ULK4: variants seen among roughly 807,000 people sequenced by gnomAD.
ULK4 encodes the protein inactive serine/threonine-protein kinase ULK4.
Under a neutral mutation model 160.6 loss-of-function variants are expected in ULK4, and 133 were observed. That is an observed-to-expected ratio of 0.83 (90% CI 0.72 to 0.96). ULK4 has a LOEUF of 0.96. Among genes scored for constraint, ULK4 ranks in the 40% least tolerant of loss-of-function variants. ULK4 has a pLI of 0.00. For missense variants in ULK4, 1,580 were observed against 1,499.5 expected (o/e 1.05, Z -0.89); for synonymous variants, 534 against 539.8 (o/e 0.99, Z 0.15).
intron 31 of ULK4, among the ~76,000 whole-genome samples, chr3:41,588,312 C>T (rs1335124755): frequency 6.6e-6 from 1 of 152,180 alleles, no homozygotes; most frequent in African/African-American, 2.4e-5. Flanking sequence ...AAAATATGTA[C>T]TTGCATACAA....
At chr3:41,804,440 C>T (rs997525682) in intron 19 of ULK4, among the ~76,000 whole-genome samples, 2 of 151,648 alleles carry the variant, frequency 1.3e-5, no homozygotes, top group African/African-American at 4.8e-5. Context: ...GTTGCCTGTT[C>T]ACTCTGATGG....
At chr3:41,798,469 C>G (rs561346300) in intron 20 of ULK4, among the ~76,000 whole-genome samples, 2 of 152,212 alleles carry the variant, frequency 1.3e-5, no homozygotes, top group East Asian at 1.9e-4. Context: ...TGTTATATAT[C>G]CTTTCTTAAT....
chr3:41,901,330 C>T (rs1698352066), intron 12 of ULK4, among the ~76,000 whole-genome samples: 1 of 151,178 alleles, frequency 6.6e-6, no homozygotes, highest in African/African-American at 2.4e-5. Context: ...CAGGCGCCTG[C>T]CACTGTGCCT....
At chr3:41,336,075 C>T (rs1575443900) in intron 35 of ULK4, among the ~76,000 whole-genome samples, 1 of 152,092 alleles carries the variant, frequency 6.6e-6, no homozygotes, top group Admixed American at 6.6e-5. Context: ...CATGAAGAAC[C>T]GTCCTTGACC....
chr3:41,744,181 T>A (rs2038340224), intron 22 of ULK4, among the ~76,000 whole-genome samples: 1 of 151,834 alleles, frequency 6.6e-6, no homozygotes, highest in Non-Finnish European at 1.5e-5. Flanking sequence ...AGGAATAAAA[T>A]GTCAGACTTA....
chr3:41,831,565 A>T (rs1379237312), intron 18 of ULK4, among the ~76,000 whole-genome samples: 1 of 142,694 alleles, frequency 7.0e-6, no homozygotes, highest in Non-Finnish European at 1.5e-5. Context: ...AGGTTCTAGG[A>T]TACATGTGCA....
intron 19 of ULK4, among the ~76,000 whole-genome samples, chr3:41,809,048 C>T (rs1399010721): frequency 6.6e-6 from 1 of 151,986 alleles, no homozygotes; most frequent in Admixed American, 6.6e-5. Flanking sequence ...TGCCTGTAAT[C>T]TCAGCTACTC....
At chr3:41,280,869 G>A (rs909717072) in intron 35 of ULK4, among the ~76,000 whole-genome samples, 1 of 152,088 alleles carries the variant, frequency 6.6e-6, no homozygotes, top group Non-Finnish European at 1.5e-5. Flanking sequence ...ATGAATCCAG[G>A]AGCTGGTTTT....
At chr3:41,426,007 T>C (rs553366828) in intron 34 of ULK4, among the ~76,000 whole-genome samples, 31 of 152,034 alleles carry the variant, frequency 2.0e-4, no homozygotes, top group Non-Finnish European at 4.6e-4. Flanking sequence ...AGACTAAAGA[T>C]CCATCAGTGT....
rs567535651 is a variant in ULK4, at chr3:41,858,817, T to C, written c.1657-22846A>G. On this transcript the variant is annotated intron_variant, in intron 17 of 36. Coordinates refer to ENST00000301831, the MANE Select transcript of ULK4 (RefSeq NM_017886.4). ...ACAGTTCCTGGCCCAAATTCTTTTT[T>C]CCCCCCCATAGAAAGCAGAAAAATA... 3.3e-3 allele frequency among the ~76,000 whole-genome samples: 493 copies of C among 151,396 alleles called. 1 individual carries two copies. Among genetic ancestry groups the C allele is most frequent in the African/African-American group, 0.011 (458 of 41,176 alleles).
At chr3:41,471,710 TG>T (rs2083995732) in intron 32 of ULK4, among the ~76,000 whole-genome samples, 1 of 152,050 alleles carries the variant, frequency 6.6e-6, no homozygotes, top group Non-Finnish European at 1.5e-5. Context: ...GGAGTAATTT[TG>T]GAAAATTGAC....
At chr3:41,453,745 C>T (rs922260451) in intron 34 of ULK4, among the ~76,000 whole-genome samples, 6 of 152,068 alleles carry the variant, frequency 3.9e-5, no homozygotes, top group African/African-American at 1.4e-4. Context: ...TGTTATTGTT[C>T]ACTTTATTTC....
chr3:41,599,456 A>T (rs1484056312), intron 31 of ULK4, among the ~76,000 whole-genome samples: 1 of 152,150 alleles, frequency 6.6e-6, no homozygotes, highest in Non-Finnish European at 1.5e-5. Context: ...GACATCTTGG[A>T]AGGTGGGAGC....
intron 32 of ULK4, among the ~76,000 whole-genome samples, chr3:41,521,908 A>G (rs544864898): frequency 6.6e-6 from 1 of 152,264 alleles, no homozygotes; most frequent in Non-Finnish European, 1.5e-5. Context: ...TTTCATTCAC[A>G]TGCTAACTTG....
chr3:41,253,775 C>T (rs2078781854), intron 35 of ULK4, among the ~76,000 whole-genome samples: 1 of 151,890 alleles, frequency 6.6e-6, no homozygotes, highest in Admixed American at 6.6e-5. Context: ...AATCTTAATT[C>T]AAATATAATG....
At chr3:41,388,234 T>C (rs1156967877) in intron 35 of ULK4, among the ~76,000 whole-genome samples, 1 of 152,182 alleles carries the variant, frequency 6.6e-6, no homozygotes, top group Non-Finnish European at 1.5e-5. Flanking sequence ...CACTTTTTTC[T>C]TGTAAATTTG....
chr3:41,402,882 T>C (rs1028881135), intron 34 of ULK4, among the ~76,000 whole-genome samples: 3 of 152,120 alleles, frequency 2.0e-5, no homozygotes, highest in Non-Finnish European at 4.4e-5. Flanking sequence ...TCCCCTCTTC[T>C]ATTCATGTCT....
At chr3:41,642,232 A>G (rs1441568837) in intron 30 of ULK4, among the ~76,000 whole-genome samples, 1 of 152,002 alleles carries the variant, frequency 6.6e-6, no homozygotes, top group Admixed American at 6.6e-5. Context: ...GTACATGTGC[A>G]CAACGTGCAG....
intron 32 of ULK4, among the ~76,000 whole-genome samples, chr3:41,512,071 A>T (rs1418271856): frequency 6.6e-6 from 1 of 152,182 alleles, no homozygotes; most frequent in Non-Finnish European, 1.5e-5. Context: ...ATATGACAAA[A>T]TCCAGCACAC....
Sources: allele counts gnomAD v4.1 joint callset (sites outside exome capture counted in the v4.1 genomes callset), GRCh38; gene constraint gnomAD v4.1.1; transcripts MANE v1.5; gene names NCBI Gene and HGNC (gene_info 2026-07-23, HGNC 2026-07-21).